The following COX7A2L variants were observed in gnomAD, a reference collection of about 807,000 sequenced individuals.
COX7A2L encodes cytochrome c oxidase subunit 7A2 like, also known as cytochrome c oxidase subunit 7A2-like, mitochondrial.
COX7A2L carries 18 observed loss-of-function variants against 14.2 expected under a neutral mutation model. The ratio of observed to expected loss-of-function variants is 1.27; its 90% CI spans 0.88 to 1.88. The LOEUF (loss-of-function observed/expected upper bound fraction) is 1.88. COX7A2L is among the 40% of genes most tolerant of loss of function. COX7A2L has a pLI of 0.00. For missense variants in COX7A2L, 179 were observed against 138.8 expected (o/e 1.29, Z -1.46); for synonymous variants, 65 against 57.4 (o/e 1.13, Z -0.60).
rs1189743799 is a variant in COX7A2L at position 42,338,128 on chromosome 2, G to A, written c.193-4259C>T. ...TCCGCCCCTCCGATGACGGTTGGTT[G>A]GTCCATAACCCTACTCCCCATGCTC... is the stretch of plus-strand genomic sequence containing the variant. On this transcript the variant is annotated intron_variant, in intron 2 of 2. Transcript: ENST00000468711. The surrounding 1 kb of genome is among the most constrained non-coding windows in gnomAD (Gnocchi z 4.4). 6.6e-6 allele frequency among the ~76,000 whole-genome samples: 1 copy of A among 152,138 alleles called. No homozygotes were observed. The highest frequency in any genetic ancestry group is 1.5e-5 in the Non-Finnish European group (1 of 68,020).
chr2:42,362,571 G>A (rs1322894605), upstream of COX7A2L, among the ~76,000 whole-genome samples: 9 of 152,216 alleles, frequency 5.9e-5, no homozygotes, highest in East Asian at 1.9e-4. Flanking sequence ...ACTTCCTACT[G>A]TTAAGCACTA....
chr2:42,351,675 G>C (rs1263606947), intron 2 of COX7A2L, among the ~76,000 whole-genome samples: 3 of 152,182 alleles, frequency 2.0e-5, no homozygotes. Flanking sequence ...GTAGCTAAAA[G>C]AAGTGCAGGC....
Position 42,338,650 on chromosome 2 carries a change from A to T in COX7A2L, c.193-4781T>A, listed in dbSNP as rs1365526179. Among the ~76,000 whole-genome samples the T allele has an allele frequency of 6.6e-6, 1 of 152,124 alleles. No individual in the cohort carries two copies. The highest frequency in any genetic ancestry group is 2.4e-5 in the African/African-American group (1 of 41,422). On this transcript the variant is annotated intron_variant, in intron 2 of 2. Coordinates refer to the COX7A2L transcript ENST00000468711. This position sits in a 1 kb window ranked among gnomAD's most constrained non-coding sequence, Gnocchi z 4.4. ...TAGAGCCTTAGTGTGATTCAACTCC[A>T]TCCCCACCTGGCGGTCAGCCTGTCG...
At chr2:42,337,314 C>T (rs1212788049) in intron 2 of COX7A2L, among the ~76,000 whole-genome samples, 1 of 152,200 alleles carries the variant, frequency 6.6e-6, no homozygotes, top group African/African-American at 2.4e-5. Context: ...AACACATGCA[C>T]ATGTGATGGT....
chr2:42,356,743 T>C (rs1314073538), intron 1 of COX7A2L, among the ~76,000 whole-genome samples: 3 of 152,074 alleles, frequency 2.0e-5, no homozygotes, highest in Non-Finnish European at 2.9e-5. Flanking sequence ...CTGGGCAACG[T>C]AGTGAGACCT....
intron 1 of COX7A2L, 73 bp downstream of exon 1, chr2:42,361,017 A>G (rs1380851672): frequency 7.8e-6 from 12 of 1,547,924 alleles, no homozygotes; most frequent in African/African-American, 2.7e-5. Flanking sequence ...CCTGGCTCCA[A>G]CGCCGCGACT....
In COX7A2L at chr2:42,361,206, C is replaced by A. The variant is rs780104612; in HGVS notation, c.-45G>T. 1.9e-6 allele frequency: 3 copies of A among 1,548,096 alleles called. No individual in the cohort carries two copies. Among genetic ancestry groups the A allele is most frequent in the East Asian group, 4.7e-5 (2 of 42,688 alleles). ...CCCGCATCCGCTGCCAACGCGACCGCCCCAGAGAAGGACCCCGCCTCCCCG... is the reference window on the plus strand; with the variant it reads ...CCCGCATCCGCTGCCAACGCGACCGACCCAGAGAAGGACCCCGCCTCCCCG... On this transcript the variant is annotated 5_prime_UTR_variant, in exon 1 of 3. Transcript: ENST00000234301.
chr2:42,360,962 G>T, intron 1 of COX7A2L, 128 bp downstream of exon 1: 1 of 924,982 alleles, frequency 1.1e-6, no homozygotes, highest in Admixed American at 2.0e-5. Flanking sequence ...GCCCCGGGAG[G>T]TGCAAGGAGA....
chr2:42,356,186 C>A (rs1670814277), intron 1 of COX7A2L, among the ~76,000 whole-genome samples: 1 of 152,114 alleles, frequency 6.6e-6, no homozygotes, highest in Admixed American at 6.5e-5. Flanking sequence ...GTGGCTTATA[C>A]CCTCACCTTC....
chr2:42,357,739 C>A (rs1670872390), intron 1 of COX7A2L, among the ~76,000 whole-genome samples: 1 of 152,166 alleles, frequency 6.6e-6, no homozygotes, highest in Non-Finnish European at 1.5e-5. Flanking sequence ...GTGAAAAGCA[C>A]CAATTCACCA....
downstream of COX7A2L, among the ~76,000 whole-genome samples, chr2:42,347,208 G>C (rs35379082): frequency 0.27 from 40,531 of 151,908 alleles, 6,012 homozygotes; most frequent in East Asian, 0.56. Context: ...TCACTTAGAG[G>C]ACTGGCAAAG....
chr2:42,362,547 G>A (rs1671081699), upstream of COX7A2L, among the ~76,000 whole-genome samples: 1 of 152,298 alleles, frequency 6.6e-6, no homozygotes, highest in Middle Eastern at 3.4e-3. Flanking sequence ...GCAGAGCTAG[G>A]CATTTGGCTC....
At chr2:42,362,064 G>C (rs1259041067), upstream of COX7A2L, among the ~76,000 whole-genome samples, 1 of 152,160 alleles carries the variant, frequency 6.6e-6, no homozygotes, top group African/African-American at 2.4e-5. Flanking sequence ...GAGTTTTAAG[G>C]TCATTGATTA....
chr2:42,360,888 C>A, intron 1 of COX7A2L: 2 of 624,078 alleles, frequency 3.2e-6, no homozygotes, highest in Non-Finnish European at 5.7e-6. Context: ...CCAGGCCAGC[C>A]CCCGCCAGGT....
intron 1 of COX7A2L, among the ~76,000 whole-genome samples, chr2:42,355,890 T>A (rs538890938): frequency 6.6e-6 from 1 of 152,164 alleles, no homozygotes; most frequent in African/African-American, 2.4e-5. Context: ...CACGCCCAGC[T>A]AATTTTTGTA....
chr2:42,340,912 AG>A (rs1457622776), intron 2 of COX7A2L, among the ~76,000 whole-genome samples: 1 of 152,180 alleles, frequency 6.6e-6, no homozygotes, highest in Non-Finnish European at 1.5e-5. Flanking sequence ...CTGATGGCAA[AG>A]GTGGGGCAAA....
At chr2:42,355,203 G>C (rs1670778691) in intron 1 of COX7A2L, among the ~76,000 whole-genome samples, 1 of 152,224 alleles carries the variant, frequency 6.6e-6, no homozygotes, top group African/African-American at 2.4e-5. Flanking sequence ...CAGAGACTCA[G>C]AGGAGTCAGA....
At chr2:42,344,270 A>T (rs1355372139) in intron 2 of COX7A2L, among the ~76,000 whole-genome samples, 1 of 152,236 alleles carries the variant, frequency 6.6e-6, no homozygotes, top group African/African-American at 2.4e-5. Flanking sequence ...TCATCTGGTT[A>T]AAAATACACA....
At chr2:42,347,160 C>A (rs1310129557), downstream of COX7A2L, among the ~76,000 whole-genome samples, 1 of 152,154 alleles carries the variant, frequency 6.6e-6, no homozygotes, top group Non-Finnish European at 1.5e-5. Context: ...CCATGGCGCC[C>A]GGCCTAGTAA....
Sources: gnomAD v4.1 joint callset for allele counts (sites outside exome capture counted in the v4.1 genomes callset) on GRCh38, gnomAD v4.1.1 for gene constraint, Gnocchi (gnomAD v3.1) non-coding constraint, MANE v1.5 for transcripts, NCBI Gene and HGNC (gene_info 2026-07-23, HGNC 2026-07-21) for gene names.